The following FAM53B variants were observed in gnomAD, a reference collection of about 807,000 sequenced individuals.
FAM53B encodes the protein family with sequence similarity 53 member B, also known as protein FAM53B.
FAM53B carries 12 observed loss-of-function variants against 32.7 expected under a neutral mutation model. The ratio of observed to expected loss-of-function variants is 0.37; its 90% confidence interval spans 0.24 to 0.59. The LOEUF is 0.59. Among genes scored for constraint, FAM53B ranks in the 20% least tolerant of loss-of-function variants. The pLI, the probability that FAM53B is intolerant of heterozygous loss-of-function variation, is 0.72. For missense variants in FAM53B, 477 were observed against 577.7 expected (o/e 0.83, Z 1.79); for synonymous variants, 234 against 228.7 (o/e 1.02, Z -0.21).
intron 4 of FAM53B, among the ~76,000 whole-genome samples, chr10:124,648,306 G>A (rs1042904027): frequency 1.3e-5 from 2 of 152,234 alleles, no homozygotes; most frequent in Non-Finnish European, 2.9e-5. Flanking sequence ...GATGGAGAGG[G>A]ACAGATGGGC....
At chr10:124,630,141 G>T (rs1184488594) in intron 4 of FAM53B, among the ~76,000 whole-genome samples, 2 of 152,254 alleles carry the variant, frequency 1.3e-5, no homozygotes, top group African/African-American at 4.8e-5. Flanking sequence ...AGCCAAGCGG[G>T]GTGGCTCACA....
intron 1 of FAM53B, among the ~76,000 whole-genome samples, chr10:124,719,235 G>A (rs1166200672): frequency 1.3e-5 from 2 of 152,160 alleles, no homozygotes; most frequent in Middle Eastern, 3.4e-3. Flanking sequence ...GCATGCCATG[G>A]GGGTGGGGGA....
chr10:124,655,139 C>T (rs1338391714), intron 4 of FAM53B, among the ~76,000 whole-genome samples: 2 of 152,164 alleles, frequency 1.3e-5, no homozygotes, highest in African/African-American at 4.8e-5. Context: ...CATAACTTCA[C>T]TCCACATTGG....
intron 4 of FAM53B, among the ~76,000 whole-genome samples, chr10:124,635,249 A>C (rs1949422537): frequency 6.6e-6 from 1 of 151,938 alleles, no homozygotes; most frequent in Non-Finnish European, 1.5e-5. Flanking sequence ...CCGCCACCAC[A>C]CCTGGCTAAC....
At chr10:124,740,980 CAAAGCAGAAGCTGAGGGTAA>C (rs1479079509) in intron 1 of FAM53B, among the ~76,000 whole-genome samples, 7 of 152,216 alleles carry the variant, frequency 4.6e-5, no homozygotes, top group African/African-American at 1.7e-4. Context: ...ACAGCTGCAG[CAAAGCAGAAGCTGAGGGTAA>C]AAACCTCTCC....
At chr10:124,647,142 T>G (rs1399595596) in intron 4 of FAM53B, among the ~76,000 whole-genome samples, 1 of 152,162 alleles carries the variant, frequency 6.6e-6, no homozygotes, top group Non-Finnish European at 1.5e-5. Context: ...GTGCTGATGG[T>G]CAGGCTGTGC....
At chr10:124,672,702 C>G (rs952909777) in intron 4 of FAM53B, among the ~76,000 whole-genome samples, 3 of 152,186 alleles carry the variant, frequency 2.0e-5, no homozygotes, top group African/African-American at 7.2e-5. Context: ...TGGACAAGAA[C>G]AGAGAAGCTT....
intron 4 of FAM53B, among the ~76,000 whole-genome samples, chr10:124,657,001 C>A (rs989452453): frequency 2.1e-4 from 32 of 150,728 alleles, no homozygotes; most frequent in Admixed American, 7.3e-4. Context: ...AACAAACCTG[C>A]ACGTTGTGCA....
intron 1 of FAM53B, among the ~76,000 whole-genome samples, chr10:124,736,625 G>C (rs1032981469): frequency 2.0e-5 from 3 of 152,282 alleles, no homozygotes; most frequent in Admixed American, 1.3e-4. Flanking sequence ...TCCCAGCTGG[G>C]CTTTGTCTGT....
chr10:124,661,635 C>T lies in FAM53B; in HGVS notation c.906+19972G>A, dbSNP rs1433422410. ...TGGGGAGGAGGGAAGGGACCTTTTACTGTCCTCTGCCACCACCACCCCAAC... is the reference window on the plus strand; with the variant it reads ...TGGGGAGGAGGGAAGGGACCTTTTATTGTCCTCTGCCACCACCACCCCAAC... On this transcript the variant is annotated intron_variant, in intron 4 of 4. Transcript: ENST00000337318. 2.0e-5 allele frequency among the ~76,000 whole-genome samples: 3 copies of T among 152,346 alleles called. No individual in the cohort carries two copies. The East Asian group carries it at 5.8e-4, about 29-fold the overall frequency.
At position 124,681,998 on chromosome 10, in the gene FAM53B, G is replaced by C. The variant is rs368939612; in HGVS notation, c.515C>G (p.Ser172Cys). 14 of 1,613,950 alleles carry C rather than the reference G, an allele frequency of 8.7e-6. No individual in the cohort carries two copies. The highest frequency in any genetic ancestry group is 1.3e-5 in the African/African-American group (1 of 74,938). Residue 172 changes from serine (S) to cysteine (C), a missense_variant, in exon 4 of 5, where the codon TCC (serine) becomes TGC (cysteine). By Grantham distance (112) the Ser-to-Cys change is moderately radical (BLOSUM62 -1). Transcript: ENST00000337318. Reference sequence around the variant, plus strand: ...GGGTGAGGAGAGCACGTTGGCCCGGGAAGGGAGGCTGAAGCTGGAACTCCT... The same window carrying C: ...GGGTGAGGAGAGCACGTTGGCCCGGCAAGGGAGGCTGAAGCTGGAACTCCT... ...MQRSSSFSLP[S>C]RANVLSSPCD...
chr10:124,661,835 T>C (rs1320034475), intron 4 of FAM53B, among the ~76,000 whole-genome samples: 1 of 152,270 alleles, frequency 6.6e-6, no homozygotes, highest in Non-Finnish European at 1.5e-5. Flanking sequence ...CAGTGACAAC[T>C]GTCATCTTAG....
chr10:124,693,758 A>G (rs1326530950), intron 3 of FAM53B, among the ~76,000 whole-genome samples: 6 of 152,334 alleles, frequency 3.9e-5, no homozygotes, highest in Admixed American at 3.3e-4. Flanking sequence ...TGGTATCCCC[A>G]TAGCTCAAGG....
chr10:124,632,649 C>A (rs934509282), intron 4 of FAM53B, among the ~76,000 whole-genome samples: 1 of 152,266 alleles, frequency 6.6e-6, no homozygotes, highest in African/African-American at 2.4e-5. Flanking sequence ...TCCACCCCAG[C>A]AGCTCACAAC....
At chr10:124,683,091 T>C (rs1949783291) in intron 3 of FAM53B, among the ~76,000 whole-genome samples, 1 of 152,246 alleles carries the variant, frequency 6.6e-6, no homozygotes. Flanking sequence ...AGAACAAGTC[T>C]TGGGCTTCAC....
chr10:124,717,070 C>A (rs1295795861), intron 1 of FAM53B, among the ~76,000 whole-genome samples: 1 of 152,130 alleles, frequency 6.6e-6, no homozygotes, highest in African/African-American at 2.4e-5. Context: ...AATGGAAAGA[C>A]CCAAACAAAA....
intron 4 of FAM53B, among the ~76,000 whole-genome samples, chr10:124,662,651 AC>A (rs1391595524): frequency 5.9e-5 from 9 of 152,210 alleles, no homozygotes; most frequent in Non-Finnish European, 1.3e-4. Flanking sequence ...CCCTGTCTCT[AC>A]AAAAAATTAA....
chr10:124,650,751 A>G (rs1390689016), intron 4 of FAM53B, among the ~76,000 whole-genome samples: 1 of 152,024 alleles, frequency 6.6e-6, no homozygotes. Flanking sequence ...CAATTTCCAG[A>G]CTATTTCCCC....
chr10:124,681,684 T>C lies in FAM53B; in HGVS notation c.829A>G (p.Lys277Glu). 1 of 1,612,582 alleles carries C rather than the reference T, an allele frequency of 6.2e-7. No individual in the cohort carries two copies. Among genetic ancestry groups the C allele is most frequent in the East Asian group, 2.2e-5 (1 of 44,856 alleles). ...RSQPCVLNDK[K>E]VGVKRRRPEE... ...GGGCGCCGCCTTTTAACACCGACCT[T>C]CTTGTCGTTAAGGACACACGGCTGG... Residue 277 changes from lysine (K) to glutamate (E), a missense_variant, in exon 4 of 5, where the codon AAG (lysine) becomes GAG (glutamate). Physicochemically the swap from Lys to Glu is moderately conservative, Grantham distance 56 (BLOSUM62 1). This residue lies in a region of FAM53B where 312 missense variants were observed against 420.2 expected (regional missense o/e 0.74). Coordinates refer to ENST00000337318, the MANE Select transcript of FAM53B (RefSeq NM_014661.4).
Sources: gnomAD v4.1 joint callset for allele counts (sites outside exome capture counted in the v4.1 genomes callset) on GRCh38, gnomAD v4.1.1 for gene constraint, gnomAD v4.1.1 regional missense constraint, MANE v1.5 for transcripts, NCBI Gene and HGNC (gene_info 2026-07-23, HGNC 2026-07-21) for gene names.